PPP2R2B: variants seen among roughly 807,000 people sequenced by gnomAD.
The protein encoded by PPP2R2B is protein phosphatase 2 regulatory subunit Bbeta.
In PPP2R2B, 5 loss-of-function variants were observed where a neutral mutation model predicts 46.0. The ratio of observed to expected loss-of-function variants is 0.11; its 90% CI spans 0.06 to 0.23. The LOEUF (loss-of-function observed/expected upper bound fraction) is 0.23. Among genes scored for constraint, PPP2R2B ranks in the 10% least tolerant of loss-of-function variants. The probability of loss-of-function intolerance (pLI) is 1.00; values close to 1 mark genes in which losing one functional copy is unlikely to be tolerated. For synonymous variants in PPP2R2B, 215 were observed against 206.7 expected, an observed-to-expected ratio of 1.04 and a Z score of -0.34; for missense variants, 367 against 575.0, an observed-to-expected ratio of 0.64 and a Z score of 3.70.
At chr5:146,952,431 C>T (rs1360913025) in intron 1 of PPP2R2B, among the ~76,000 whole-genome samples, 3 of 152,022 alleles carry the variant, frequency 2.0e-5, no homozygotes, top group Non-Finnish European at 4.4e-5. Context: ...TTAAAATGAT[C>T]ACGTTGTCTC....
chr5:146,721,165 G>A (rs1179161902), intron 2 of PPP2R2B, among the ~76,000 whole-genome samples: 1 of 152,094 alleles, frequency 6.6e-6, no homozygotes. Flanking sequence ...CCTCCAAACT[G>A]GAGCTGTTTT....
intron 1 of PPP2R2B, among the ~76,000 whole-genome samples, chr5:147,035,602 A>T (rs1756000157): frequency 6.6e-6 from 1 of 152,198 alleles, no homozygotes; most frequent in African/African-American, 2.4e-5. Flanking sequence ...GCTTAGCTTG[A>T]CATATTTATT....
chr5:146,647,017 C>T (rs1353758134), intron 6 of PPP2R2B, among the ~76,000 whole-genome samples: 1 of 152,150 alleles, frequency 6.6e-6, no homozygotes, highest in Non-Finnish European at 1.5e-5. Flanking sequence ...ACTTGTTGGA[C>T]TCTGAAGCCT....
rs1755097562 is a variant in PPP2R2B, at chr5:147,018,055, A to G, written c.79+37610T>C. Reference sequence around the variant, plus strand: ...CATGCATGCGCGCGCACACACACACACACACACACACACACACACACACAC... The same window carrying G: ...CATGCATGCGCGCGCACACACACACGCACACACACACACACACACACACAC... On this transcript the variant is annotated intron_variant, in intron 1 of 8. Coordinates refer to the PPP2R2B transcript ENST00000336640. Among the ~76,000 whole-genome samples the G allele has an allele frequency of 4.0e-5, 6 of 151,178 alleles. No homozygotes were observed. In the South Asian group the frequency reaches 1.3e-3, roughly 32 times the overall value.
intron 1 of PPP2R2B, among the ~76,000 whole-genome samples, chr5:147,016,548 A>ACC (rs1395844770): frequency 1.3e-4 from 1 of 7,968 alleles, no homozygotes; most frequent in Non-Finnish European, 3.2e-4. Flanking sequence ...GTCTGAGAAA[A>ACC]CATAGGGGAC....
chr5:146,964,213 G>A (rs549913995), intron 1 of PPP2R2B, among the ~76,000 whole-genome samples: 1 of 152,248 alleles, frequency 6.6e-6, no homozygotes, highest in African/African-American at 2.4e-5. Flanking sequence ...AAATTAAGTT[G>A]GTGTTTCCCA....
intron 2 of PPP2R2B, among the ~76,000 whole-genome samples, chr5:146,735,988 A>G (rs1474753782): frequency 4.6e-5 from 7 of 152,174 alleles, no homozygotes; most frequent in Non-Finnish European, 1.0e-4. Flanking sequence ...CCCAAATCTC[A>G]TCTTGAATTG....
At chr5:147,050,276 ATGCCGTG>A (rs1294022278) in intron 1 of PPP2R2B, among the ~76,000 whole-genome samples, 3 of 152,212 alleles carry the variant, frequency 2.0e-5, no homozygotes, top group African/African-American at 7.2e-5. Context: ...TTACAGACAA[ATGCCGTG>A]TGCACTTGGA....
chr5:146,609,687 CA>C (rs1420434285), intron 7 of PPP2R2B, among the ~76,000 whole-genome samples: 1 of 148,328 alleles, frequency 6.7e-6, no homozygotes, highest in Non-Finnish European at 1.5e-5. Context: ...CTGGGAAGCG[CA>C]AGGGGTCAGG....
chr5:146,865,363 G>T (rs961910454), intron 2 of PPP2R2B, among the ~76,000 whole-genome samples: 3 of 151,378 alleles, frequency 2.0e-5, no homozygotes, highest in African/African-American at 7.3e-5. Context: ...CATCAAAAAT[G>T]TTTATAATGA....
At chr5:146,623,558 A>C (rs1310366745) in intron 7 of PPP2R2B, among the ~76,000 whole-genome samples, 7 of 152,164 alleles carry the variant, frequency 4.6e-5, no homozygotes, top group Non-Finnish European at 1.0e-4. Context: ...TATTTTTCTC[A>C]TATGTAACTC....
At chr5:147,047,469 G>A (rs1171672476) in intron 1 of PPP2R2B, among the ~76,000 whole-genome samples, 1 of 151,900 alleles carries the variant, frequency 6.6e-6, no homozygotes, top group Non-Finnish European at 1.5e-5. Flanking sequence ...CCCCCAAAAT[G>A]TACACAGGCC....
Position 146,647,957 on chromosome 5 carries a change from A to G in PPP2R2B, c.625+2590T>C, listed in dbSNP as rs370568747. Among the ~76,000 whole-genome samples the G allele has an allele frequency of 3.9e-5, 6 of 152,316 alleles. No homozygotes were observed. In the East Asian group the frequency reaches 9.7e-4, roughly 25 times the overall value. On this transcript the variant is annotated intron_variant, in intron 6 of 9. Transcript: ENST00000394411. Reference sequence around the variant, plus strand: ...TGATGGTCAGTTCTCATTGTCTCCAAATATATCTCATAATTGCCACTATCT... The same window carrying G: ...TGATGGTCAGTTCTCATTGTCTCCAGATATATCTCATAATTGCCACTATCT...
intron 2 of PPP2R2B, among the ~76,000 whole-genome samples, chr5:146,846,620 G>A (rs1207585671): frequency 6.6e-6 from 1 of 152,100 alleles, no homozygotes; most frequent in Non-Finnish European, 1.5e-5. Flanking sequence ...GGAGGTTGCA[G>A]TGAGCCTAGA....
intron 2 of PPP2R2B, among the ~76,000 whole-genome samples, chr5:146,759,869 G>C (rs145771285): frequency 1.3e-3 from 202 of 151,868 alleles, no homozygotes; most frequent in African/African-American, 4.7e-3. Flanking sequence ...GTCAACTCCA[G>C]TGCTTTAGTT....
intron 5 of PPP2R2B, among the ~76,000 whole-genome samples, chr5:146,654,440 T>C (rs1250882870): frequency 6.6e-6 from 1 of 152,176 alleles, no homozygotes; most frequent in Non-Finnish European, 1.5e-5. Flanking sequence ...AATTGTGAAA[T>C]ATCAGCAATC....
At chr5:146,772,589 T>C (rs1404422521) in intron 2 of PPP2R2B, among the ~76,000 whole-genome samples, 1 of 151,934 alleles carries the variant, frequency 6.6e-6, no homozygotes, top group Non-Finnish European at 1.5e-5. Flanking sequence ...ATTTGTGAAT[T>C]TGAATTCTTT....
At chr5:146,741,117 C>T (rs1178146772) in intron 2 of PPP2R2B, among the ~76,000 whole-genome samples, 1 of 152,000 alleles carries the variant, frequency 6.6e-6, no homozygotes, top group Non-Finnish European at 1.5e-5. Context: ...ATCTAGGCAT[C>T]CGCAATTTGA....
chr5:146,682,150 T>C (rs72652842), intron 5 of PPP2R2B, among the ~76,000 whole-genome samples: 8,905 of 152,244 alleles, frequency 0.058, 364 homozygotes, highest in East Asian at 0.2. Flanking sequence ...AAGTGCAGCA[T>C]AACAAAGGTA....
Sources: allele counts gnomAD v4.1 joint callset (sites outside exome capture counted in the v4.1 genomes callset), GRCh38; gene constraint gnomAD v4.1.1; transcripts MANE v1.5; gene names NCBI Gene and HGNC (gene_info 2026-07-23, HGNC 2026-07-21).